The following SLC38A4 variants were observed in gnomAD, a reference collection of about 807,000 sequenced individuals.
SLC38A4 encodes the protein sodium-coupled neutral amino acid transporter 4.
Under a neutral mutation model 63.1 loss-of-function variants are expected in SLC38A4, and 20 were observed. The ratio of observed to expected loss-of-function variants is 0.32; its 90% CI spans 0.22 to 0.46. SLC38A4 has a LOEUF of 0.46. Ranked by LOEUF, SLC38A4 falls within the 20% of genes least tolerant of loss-of-function variation. The probability of loss-of-function intolerance (pLI) is 1.00; values close to 1 mark genes in which losing one functional copy is unlikely to be tolerated. For missense variants in SLC38A4, 526 were observed against 663.6 expected (o/e 0.79, Z 2.28); for synonymous variants, 230 against 225.5 (o/e 1.02, Z -0.18).
At chr12:46,778,967 C>T (rs1490835523) in intron 10 of SLC38A4, among the ~76,000 whole-genome samples, 191 bp from the exon 11 acceptor site, 2 of 151,942 alleles carry the variant, frequency 1.3e-5, no homozygotes, top group East Asian at 3.9e-4. Context: ...TGATTGGCAG[C>T]CCTGCCTCTT....
intron 12 of SLC38A4, among the ~76,000 whole-genome samples, chr12:46,777,577 G>A (rs1938555931): frequency 6.6e-6 from 1 of 151,972 alleles, no homozygotes; most frequent in Non-Finnish European, 1.5e-5. Context: ...AATTTATGGG[G>A]AAAGTTTTGC....
chr12:46,781,540 T>C (rs545497243), intron 7 of SLC38A4, among the ~76,000 whole-genome samples: 8 of 152,068 alleles, frequency 5.3e-5, no homozygotes, highest in Non-Finnish European at 1.2e-4. Context: ...CTGCAGTAAA[T>C]GTTAATTTTT....
chr12:46,769,420 T>A lies in SLC38A4; in HGVS notation c.1308A>T (p.Thr436=). The change falls in exon 15 of 17, where the codon ACA becomes ACT. Residue 436 remains threonine (T), a synonymous_variant. Transcript: ENST00000266579. The part of the protein sequence containing the change: ...TVPIVLFPIR[T]SVITLLFPKR... The stretch of plus-strand genomic sequence containing the variant: ...TGGGAAATAACAGTGTGATCACTGA[T>A]GTACGAATCTTAAACAAGAAAGTTC... 2 of 1,612,436 alleles carry A rather than the reference T, an allele frequency of 1.2e-6. No homozygotes were observed. The highest frequency in any genetic ancestry group is 1.7e-6 in the Non-Finnish European group (2 of 1,178,822).
upstream of SLC38A4, among the ~76,000 whole-genome samples, chr12:46,829,217 C>T (rs960145287): frequency 2.6e-5 from 4 of 152,242 alleles, no homozygotes; most frequent in Admixed American, 1.3e-4. Context: ...TAAAGACTGG[C>T]TCTTAAAGCA....
Position 46,779,843 on chromosome 12 carries a change from T to G in SLC38A4, c.595A>C (p.Asn199His). The G allele has an allele frequency of 6.2e-7, 1 of 1,612,300 alleles. No individual in the cohort carries two copies. The highest frequency in any genetic ancestry group is 8.5e-7 in the Non-Finnish European group (1 of 1,179,084). Reference protein sequence around the residue: ...ENTGEWYLNGNYLIIFVSVGI... With the variant: ...ENTGEWYLNGHYLIIFVSVGI... ...ACAGACACAAATATGATGAGGTAGT[T>G]GCCATTGAGGTACCATTCTCTAGAA... Residue 199 changes from asparagine (N) to histidine (H), a missense_variant, in exon 9 of 17, where the codon AAC becomes CAC. Physicochemically the swap from Asn to His is moderately conservative, Grantham distance 68. Coordinates refer to ENST00000266579, the MANE Select transcript of SLC38A4 (RefSeq NM_018018.5).
intron 1 of SLC38A4, among the ~76,000 whole-genome samples, chr12:46,823,806 C>T (rs1352531638): frequency 1.3e-5 from 2 of 152,296 alleles, no homozygotes; most frequent in Admixed American, 1.3e-4. Flanking sequence ...GGGATTTAGC[C>T]TAAGCCTTCC....
At chr12:46,772,585 G>A (rs1938442003) in intron 14 of SLC38A4, among the ~76,000 whole-genome samples, 1 of 152,046 alleles carries the variant, frequency 6.6e-6, no homozygotes, top group Admixed American at 6.6e-5. Flanking sequence ...ATGTTGGGCT[G>A]CTAGTGAAAA....
intron 1 of SLC38A4, among the ~76,000 whole-genome samples, chr12:46,817,120 AT>A (rs961915497): frequency 5.9e-5 from 9 of 151,894 alleles, no homozygotes; most frequent in Non-Finnish European, 1.3e-4. Context: ...GTAAAAAAAA[AT>A]CACCAATGAT....
chr12:46,799,665 T>C (rs1939090434), intron 2 of SLC38A4, among the ~76,000 whole-genome samples: 1 of 152,182 alleles, frequency 6.6e-6, no homozygotes, highest in East Asian at 1.9e-4. Flanking sequence ...TTTCATGGCT[T>C]ATATCTTAAC....
chr12:46,780,117 G>A (rs1938609576), intron 7 of SLC38A4, 87 bp from the exon 8 acceptor site: 2 of 990,896 alleles, frequency 2.0e-6, no homozygotes, highest in Non-Finnish European at 3.2e-6. Flanking sequence ...TATGTAAGAT[G>A]AACATCTAAT....
chr12:46,767,765 G>T (rs925017586), intron 16 of SLC38A4, among the ~76,000 whole-genome samples: 2 of 151,958 alleles, frequency 1.3e-5, no homozygotes, highest in Non-Finnish European at 2.9e-5. Context: ...GTAGTCTTAT[G>T]GAAAAGAAAT....
At chr12:46,776,704 T>G (rs1938533479) in intron 13 of SLC38A4, among the ~76,000 whole-genome samples, 200 bp downstream of exon 13, 1 of 152,028 alleles carries the variant, frequency 6.6e-6, no homozygotes, top group Non-Finnish European at 1.5e-5. Context: ...AATTCACAAA[T>G]TCTTGTAACT....
Position 46,766,413 on chromosome 12 carries a change from A to C in SLC38A4, c.*288T>G, listed in dbSNP as rs1424260671. ...ATGATTGTTACATGCAGTTACCCTT[A>C]TTCTGCTCGTAAAGCAGCAAAAATA... On this transcript the variant is annotated 3_prime_UTR_variant, in exon 17 of 17. Coordinates refer to ENST00000266579, the MANE Select transcript of SLC38A4 (RefSeq NM_018018.5). 3 of 522,634 alleles carry C rather than the reference A, an allele frequency of 5.7e-6. No homozygotes were observed. In the Admixed American group the frequency reaches 6.7e-5, roughly 12 times the overall value. 32.4% of individuals were successfully genotyped at this position (522,634 alleles called of 1,614,324 possible).
At chr12:46,819,233 A>G (rs1939496315) in intron 1 of SLC38A4, among the ~76,000 whole-genome samples, 1 of 151,750 alleles carries the variant, frequency 6.6e-6, no homozygotes, top group African/African-American at 2.4e-5. Flanking sequence ...AAGAGACTTA[A>G]AAGACTTATC....
At chr12:46,788,897 C>T (rs1165428531) in intron 3 of SLC38A4, among the ~76,000 whole-genome samples, 2 of 152,158 alleles carry the variant, frequency 1.3e-5, no homozygotes, top group Non-Finnish European at 1.5e-5. Flanking sequence ...CTCACATTAG[C>T]TATGCAAGAG....
At chr12:46,784,911 TG>T (rs1268372700) in intron 6 of SLC38A4, among the ~76,000 whole-genome samples, 192 bp downstream of exon 6, 35 of 152,250 alleles carry the variant, frequency 2.3e-4, no homozygotes, top group African/African-American at 8.2e-4. Context: ...GTCTTGAACC[TG>T]AGCCAGTTGA....
At chr12:46,780,777 T>C (rs1449141965) in intron 7 of SLC38A4, among the ~76,000 whole-genome samples, 1 of 151,952 alleles carries the variant, frequency 6.6e-6, no homozygotes, top group Admixed American at 6.6e-5. Context: ...TGAATATGTA[T>C]TCATATACAT....
chr12:46,788,463 C>T, intron 4 of SLC38A4, 65 bp downstream of exon 4: 1 of 1,300,912 alleles, frequency 7.7e-7, no homozygotes, highest in Non-Finnish European at 1.1e-6. Flanking sequence ...TGTTTTCCCA[C>T]AGAGACCTAG....
chr12:46,793,769 A>G (rs1938943409), intron 2 of SLC38A4, among the ~76,000 whole-genome samples: 1 of 152,156 alleles, frequency 6.6e-6, no homozygotes, highest in African/African-American at 2.4e-5. Context: ...GTAACAAAAG[A>G]AAGTTCAGAT....
Sources: allele counts gnomAD v4.1 joint callset (sites outside exome capture counted in the v4.1 genomes callset), GRCh38; gene constraint gnomAD v4.1.1; transcripts MANE v1.5; gene names NCBI Gene and HGNC (gene_info 2026-07-23, HGNC 2026-07-21).